Variants in GPR137B observed in about 807,000 individuals in gnomAD.
The protein encoded by GPR137B is integral membrane protein GPR137B.
In GPR137B, 42 loss-of-function variants were observed where a neutral mutation model predicts 42.5. The observed-to-expected ratio is 0.99, with a 90% CI of 0.77 to 1.28. The LOEUF (loss-of-function observed/expected upper bound fraction) is 1.28. Among genes scored for constraint, GPR137B ranks in the 50% most tolerant of loss-of-function variants. The pLI, the probability that GPR137B is intolerant of heterozygous loss-of-function variation, is 0.00. For missense variants in GPR137B, 487 were observed against 493.9 expected (o/e 0.99, Z 0.13); for synonymous variants, 218 against 209.7 (o/e 1.04, Z -0.34).
At chr1:236,148,697 G>T (rs960656038) in intron 1 of GPR137B, among the ~76,000 whole-genome samples, 7 of 152,182 alleles carry the variant, frequency 4.6e-5, no homozygotes, top group Non-Finnish European at 8.8e-5. Flanking sequence ...GGGATGGTTC[G>T]TGAGTCATGT....
rs1174281631 is a variant in GPR137B at position 236,186,277 on chromosome 1, A to AATATATATTATATATT, written c.966+2374_966+2375insTATATTATATATTATA. 7.1e-3 allele frequency among the ~76,000 whole-genome samples: 128 copies of AATATATATTATATATT among 17,904 alleles called. 14 individuals are homozygous for AATATATATTATATATT. Among genetic ancestry groups the AATATATATTATATATT allele is most frequent in the East Asian group, 0.031 (11 of 354 alleles). The allele number at this position is 17,904 out of a possible 152,430, so 11.7% of individuals were successfully genotyped here. ...ATAATATATATTATATATTATATAT[A>AATATATATTATATATT]ATAATATAAATAATATATAATATAT... On this transcript the variant is annotated intron_variant, in intron 5 of 6. Coordinates refer to ENST00000366592, the MANE Select transcript of GPR137B (RefSeq NM_003272.4).
intron 6 of GPR137B, among the ~76,000 whole-genome samples, chr1:236,206,161 T>A (rs781356467): frequency 5.3e-5 from 8 of 152,222 alleles, no homozygotes; most frequent in Admixed American, 1.3e-4. Context: ...CTACTCTGTA[T>A]CAGACACTGT....
Position 236,208,427 on chromosome 1 carries a change from T to A in GPR137B, c.*269T>A. 3.0e-6 allele frequency: 3 copies of A among 997,932 alleles called. No homozygotes were observed. The highest frequency in any genetic ancestry group is 3.8e-6 in the Non-Finnish European group (3 of 785,480). The allele number at this position is 997,932 out of a possible 1,614,324, so 61.8% of individuals were successfully genotyped here. ...TTTATAAAGATGTATTTTGTATAACTTAAATAATAATGCTAAAGTATACTA... is the reference window on the plus strand; with the variant it reads ...TTTATAAAGATGTATTTTGTATAACATAAATAATAATGCTAAAGTATACTA... On this transcript the variant is annotated 3_prime_UTR_variant, in exon 7 of 7. Coordinates refer to ENST00000366592, the MANE Select transcript of GPR137B (RefSeq NM_003272.4).
chr1:236,173,416 G>GAGGA (rs58521890), intron 2 of GPR137B, among the ~76,000 whole-genome samples: 106,422 of 149,328 alleles, frequency 0.71, 39,263 homozygotes, highest in East Asian at 0.97. Context: ...GAGAGAGAGA[G>GAGGA]AGGAAGGAGG....
rs762913273 is a variant in GPR137B, at chr1:236,183,881, G to C, written c.941G>C (p.Arg314Pro). ...ACCACCTTAGTCGTTTATTTCTTCC[G>C]AGTTAGAAATCCTACAAAGGACCTT... ...LPTTLVVYFF[R>P]VRNPTKDLTN... is the part of the protein sequence containing the mutation. Residue 314 changes from arginine to proline, a missense_variant, in exon 5 of 7, where the codon CGA becomes CCA. Arg to Pro is a moderately radical substitution (Grantham distance 103, BLOSUM62 -2). Transcript: ENST00000366592. 5 of 1,608,766 alleles carry C rather than the reference G, an allele frequency of 3.1e-6. No homozygotes were observed. The highest frequency in any genetic ancestry group is 3.4e-6 in the Non-Finnish European group (4 of 1,175,498).
intron 3 of GPR137B, among the ~76,000 whole-genome samples, chr1:236,179,061 T>G (rs1662793570): frequency 6.6e-6 from 1 of 151,890 alleles, no homozygotes; most frequent in South Asian, 2.1e-4. Context: ...CCTCCCAAAG[T>G]ACTGGGATTA....
chr1:236,147,712 C>G (rs549371660), intron 1 of GPR137B, among the ~76,000 whole-genome samples: 2 of 152,204 alleles, frequency 1.3e-5, no homozygotes, highest in Admixed American at 6.5e-5. Context: ...TGCAAACAGT[C>G]CCAGCTCAGC....
At position 236,200,992 on chromosome 1, in the gene GPR137B, G is replaced by C. The variant is rs367774348; in HGVS notation, c.967-4134G>C. ...TTTTGAGGTTTTGTTTCAAGAATTA[G>C]AACTCCTTTTAGCATTTCTTGTAGT... On this transcript the variant is annotated intron_variant, in intron 5 of 6. Transcript: ENST00000366592. Among the ~76,000 whole-genome samples, 121 of 151,868 alleles carry C rather than the reference G, an allele frequency of 8.0e-4. 2 individuals are homozygous for C. Among genetic ancestry groups the C allele is most frequent in the African/African-American group, 2.8e-3 (114 of 41,286 alleles).
chr1:236,163,243 A>T (rs576976211), intron 1 of GPR137B, among the ~76,000 whole-genome samples: 10 of 152,338 alleles, frequency 6.6e-5, no homozygotes, highest in Admixed American at 1.3e-4. Context: ...CCCACTTGGA[A>T]CGGCTGTATT....
intron 1 of GPR137B, among the ~76,000 whole-genome samples, chr1:236,145,508 G>T (rs780934220): frequency 6.6e-6 from 1 of 152,136 alleles, no homozygotes; most frequent in Non-Finnish European, 1.5e-5. Context: ...ACAGGTGTGT[G>T]CCACTATGCC....
intron 1 of GPR137B, among the ~76,000 whole-genome samples, chr1:236,157,509 A>G (rs1410577754): frequency 6.6e-6 from 1 of 152,158 alleles, no homozygotes; most frequent in Non-Finnish European, 1.5e-5. Flanking sequence ...GGCGTGAGCC[A>G]CTGTGCCCGG....
At chr1:236,203,843 A>G (rs1377847884) in intron 5 of GPR137B, among the ~76,000 whole-genome samples, 1 of 152,132 alleles carries the variant, frequency 6.6e-6, no homozygotes, top group Admixed American at 6.5e-5. Flanking sequence ...TTTTTGTGCA[A>G]CTTTACTGAA....
In GPR137B at chr1:236,142,733, G is replaced by T. The variant is rs1661557324; in HGVS notation, c.111G>T (p.Val37=). 1 of 1,610,476 alleles carries T rather than the reference G, an allele frequency of 6.2e-7. No individual in the cohort carries two copies. The highest frequency in any genetic ancestry group is 8.5e-7 in the Non-Finnish European group (1 of 1,179,532). ...TGCCGCCCACGCTGACCCCGGCCGT[G>T]CCCCCCTACGTGAAGCTTGGCCTCA... ...DSLPPTLTPA[V]PPYVKLGLTV... Residue 37 remains valine, a synonymous_variant, in exon 1 of 7, where the codon GTG becomes GTT. Coordinates refer to ENST00000366592, the MANE Select transcript of GPR137B (RefSeq NM_003272.4).
At chr1:236,161,873 T>C (rs1465947580) in intron 1 of GPR137B, among the ~76,000 whole-genome samples, 1 of 152,180 alleles carries the variant, frequency 6.6e-6, no homozygotes, top group Non-Finnish European at 1.5e-5. Flanking sequence ...CTTCCTAGTC[T>C]CGGGTATGTC....
chr1:236,169,171 ACTGCAGGTGCAGGTGCAGGTGCAG>A (rs1446349223), intron 2 of GPR137B, among the ~76,000 whole-genome samples: 2 of 140,298 alleles, frequency 1.4e-5, no homozygotes, highest in Non-Finnish European at 3.0e-5. Context: ...CCATGCTCCC[ACTGCAGGTGCAGGTGCAGGTGCAG>A]GTGCAGGTGC....
At chr1:236,196,737 C>T (rs1373349176) in intron 5 of GPR137B, among the ~76,000 whole-genome samples, 1 of 152,158 alleles carries the variant, frequency 6.6e-6, no homozygotes, top group East Asian at 1.9e-4. Context: ...AGAGTTATTT[C>T]ACTTAGAATA....
chr1:236,198,166 T>C (rs541635674), intron 5 of GPR137B, among the ~76,000 whole-genome samples: 24 of 152,316 alleles, frequency 1.6e-4, no homozygotes, highest in Non-Finnish European at 2.8e-4. Flanking sequence ...TTTGGTTCCA[T>C]ACGAATTTTA....
intron 5 of GPR137B, among the ~76,000 whole-genome samples, chr1:236,199,034 T>C (rs1663420980): frequency 6.6e-6 from 1 of 152,214 alleles, no homozygotes. Flanking sequence ...GGCTGTGGGT[T>C]TGTCATAGAT....
At chr1:236,143,165 C>T (rs1661579706) in intron 1 of GPR137B, 129 bp downstream of exon 1, 1 of 760,046 alleles carries the variant, frequency 1.3e-6, no homozygotes, top group Non-Finnish European at 2.1e-6. Flanking sequence ...GGAGAAGGCG[C>T]CGGCTCTGGG....
Sources: allele counts gnomAD v4.1 joint callset (sites outside exome capture counted in the v4.1 genomes callset), GRCh38; gene constraint gnomAD v4.1.1; transcripts MANE v1.5; gene names NCBI Gene and HGNC (gene_info 2026-07-23, HGNC 2026-07-21).